The following AGBL4 variants were observed in gnomAD, a reference collection of about 807,000 sequenced individuals.
AGBL4 encodes AGBL carboxypeptidase 4.
In AGBL4, 58 loss-of-function variants were observed where a neutral mutation model predicts 66.4. The ratio of observed to expected loss-of-function variants is 0.87; its 90% confidence interval spans 0.71 to 1.09. AGBL4 has a LOEUF of 1.09. Among genes scored for constraint, AGBL4 ranks in the 50% least tolerant of loss-of-function variants. AGBL4 has a pLI of 0.00. For synonymous variants in AGBL4, 234 were observed against 222.9 expected (o/e 1.05, Z -0.44); for missense variants, 579 against 631.0 (o/e 0.92, Z 0.88).
chr1:49,337,805 C>T (rs1186565920), intron 3 of AGBL4, among the ~76,000 whole-genome samples: 1 of 152,132 alleles, frequency 6.6e-6, no homozygotes, highest in East Asian at 1.9e-4. Flanking sequence ...AAAACCTGAT[C>T]ATCAGCAAAG....
intron 1 of AGBL4, among the ~76,000 whole-genome samples, chr1:49,881,297 A>G (rs1270324751): frequency 6.6e-6 from 1 of 152,082 alleles, no homozygotes; most frequent in Non-Finnish European, 1.5e-5. Flanking sequence ...ATTGTTGGAC[A>G]TTTGGGTTGG....
chr1:49,209,655 G>T (rs1648514310), intron 4 of AGBL4, among the ~76,000 whole-genome samples: 1 of 152,098 alleles, frequency 6.6e-6, no homozygotes, highest in Non-Finnish European at 1.5e-5. Context: ...GTTGAGGACT[G>T]ATTAGAGATT....
chr1:49,804,307 T>C (rs986124365), intron 2 of AGBL4, among the ~76,000 whole-genome samples: 1 of 152,168 alleles, frequency 6.6e-6, no homozygotes, highest in East Asian at 1.9e-4. Context: ...TCATTAGCTA[T>C]CATTAGTCTT....
At chr1:49,689,025 T>C (rs1558164049) in intron 3 of AGBL4, among the ~76,000 whole-genome samples, 2 of 152,334 alleles carry the variant, frequency 1.3e-5, no homozygotes, top group South Asian at 4.1e-4. Flanking sequence ...GTGTGAGTCA[T>C]CTTTCACTTT....
rs17105250 is a variant in AGBL4, at chr1:48,934,936, A to G, written c.595-67706T>C. ...GCTTTTGGTGTACTTACCTAACTCAATGAGCCCTGTACCTTGTCTCTAGAA... is the reference window on the plus strand; with the variant it reads ...GCTTTTGGTGTACTTACCTAACTCAGTGAGCCCTGTACCTTGTCTCTAGAA... On this transcript the variant is annotated intron_variant, in intron 5 of 13. Coordinates refer to ENST00000371839, the MANE Select transcript of AGBL4 (RefSeq NM_032785.4). 9.7e-3 allele frequency among the ~76,000 whole-genome samples: 1,478 copies of G among 152,280 alleles called. 27 individuals carry two copies. The highest frequency in any genetic ancestry group is 0.034 in the African/African-American group (1,392 of 41,550).
chr1:49,538,290 T>C (rs1284346836), intron 3 of AGBL4, among the ~76,000 whole-genome samples: 1 of 152,234 alleles, frequency 6.6e-6, no homozygotes, highest in African/African-American at 2.4e-5. Flanking sequence ...AAATCATGTC[T>C]TCTGCAGCAA....
intron 3 of AGBL4, among the ~76,000 whole-genome samples, chr1:49,262,926 C>T (rs1351352082): frequency 6.6e-6 from 1 of 152,148 alleles, no homozygotes; most frequent in Non-Finnish European, 1.5e-5. Flanking sequence ...CAATGATAGA[C>T]TGGATTAAGA....
intron 2 of AGBL4, among the ~76,000 whole-genome samples, chr1:49,850,734 GA>G (rs1287767096): frequency 6.6e-6 from 1 of 151,980 alleles, no homozygotes; most frequent in Non-Finnish European, 1.5e-5. Context: ...CAGAACCAAT[GA>G]AAATTAATAA....
chr1:49,519,537 G>A lies in AGBL4; in HGVS notation c.282+177776C>T, dbSNP rs569007856. The stretch of plus-strand genomic sequence containing the variant: ...CACATTAGGAGTAAGAAATAGCACA[G>A]ACTAGAAATGAGAAAATATGAATTT... On this transcript the variant is annotated intron_variant, in intron 3 of 13. Transcript: ENST00000371839. Among the ~76,000 whole-genome samples, 4 of 152,160 alleles carry A rather than the reference G, an allele frequency of 2.6e-5. No homozygotes were observed. In the East Asian group the frequency reaches 5.8e-4, roughly 22 times the overall value.
At chr1:49,634,398 CT>C (rs1645631365) in intron 3 of AGBL4, among the ~76,000 whole-genome samples, 1 of 152,108 alleles carries the variant, frequency 6.6e-6, no homozygotes, top group Admixed American at 6.6e-5. Flanking sequence ...TGAACCCATC[CT>C]TTTTTATGGC....
intron 4 of AGBL4, among the ~76,000 whole-genome samples, chr1:49,226,260 G>C (rs1649900743): frequency 6.6e-6 from 1 of 152,154 alleles, no homozygotes; most frequent in Admixed American, 6.5e-5. Context: ...AAAAATAAGT[G>C]TGTGCACAAT....
intron 6 of AGBL4, among the ~76,000 whole-genome samples, chr1:48,741,024 G>A (rs991124719): frequency 2.6e-5 from 4 of 152,286 alleles, no homozygotes; most frequent in African/African-American, 9.6e-5. Flanking sequence ...AATGAGATTT[G>A]AGAGACTCAT....
At chr1:48,782,759 C>T (rs908147164) in intron 6 of AGBL4, among the ~76,000 whole-genome samples, 5 of 151,580 alleles carry the variant, frequency 3.3e-5, no homozygotes, top group African/African-American at 1.2e-4. Context: ...GATGAACCTA[C>T]ATTGACACAT....
chr1:49,170,495 C>A (rs989952325), intron 4 of AGBL4, among the ~76,000 whole-genome samples: 2 of 139,304 alleles, frequency 1.4e-5, no homozygotes, highest in African/African-American at 2.6e-5. Flanking sequence ...TATTTATATT[C>A]ATATATATTT....
Position 48,770,928 on chromosome 1 carries a change from T to C in AGBL4, c.634+96263A>G, listed in dbSNP as rs574863467. Among the ~76,000 whole-genome samples the C allele has an allele frequency of 5.3e-5, 8 of 152,322 alleles. No individual in the cohort carries two copies. In the East Asian group the frequency reaches 1.5e-3, roughly 29 times the overall value. Reference sequence around the variant, plus strand: ...CATATTTATCCACAAGTCCAGTCCATGTGGGAAGACTTAGCCCACTGCCTG... The same window carrying C: ...CATATTTATCCACAAGTCCAGTCCACGTGGGAAGACTTAGCCCACTGCCTG... On this transcript the variant is annotated intron_variant, in intron 6 of 13. Coordinates refer to ENST00000371839, the MANE Select transcript of AGBL4 (RefSeq NM_032785.4).
At chr1:48,557,931 G>A (rs1644344901) in intron 11 of AGBL4, among the ~76,000 whole-genome samples, 1 of 83,216 alleles carries the variant, frequency 1.2e-5, no homozygotes, top group South Asian at 3.5e-4. Flanking sequence ...AGCTCTTTGA[G>A]AACAGAGACT....
intron 1 of AGBL4, among the ~76,000 whole-genome samples, chr1:49,908,386 G>A (rs1457370061): frequency 6.6e-6 from 1 of 152,094 alleles, no homozygotes; most frequent in Non-Finnish European, 1.5e-5. Context: ...TCACAATAGT[G>A]AGTGAGTTAT....
At chr1:49,274,350 G>A (rs1025255654) in intron 3 of AGBL4, among the ~76,000 whole-genome samples, 1 of 151,988 alleles carries the variant, frequency 6.6e-6, no homozygotes, top group Non-Finnish European at 1.5e-5. Flanking sequence ...ATAAAAAATT[G>A]TCAAATAAAA....
intron 2 of AGBL4, among the ~76,000 whole-genome samples, chr1:49,803,274 C>T (rs551282887): frequency 6.6e-6 from 1 of 152,186 alleles, no homozygotes; most frequent in East Asian, 1.9e-4. Context: ...GACCAAGTAG[C>T]AGCAAATAAA....
Sources: allele counts gnomAD v4.1 joint callset (sites outside exome capture counted in the v4.1 genomes callset), GRCh38; gene constraint gnomAD v4.1.1; transcripts MANE v1.5; gene names NCBI Gene and HGNC (gene_info 2026-07-23, HGNC 2026-07-21).